The following KIAA1217 variants were observed in gnomAD, a reference collection of about 807,000 sequenced individuals.
KIAA1217 encodes sickle tail protein homolog.
In KIAA1217, 88 loss-of-function variants were observed where a neutral mutation model predicts 163.9. That is an observed-to-expected ratio of 0.54 (90% CI 0.45 to 0.64). The LOEUF is 0.64. KIAA1217 is among the 30% of genes least tolerant of loss of function. KIAA1217 has a pLI of 0.00. For synonymous variants in KIAA1217, 903 were observed against 923.1 expected, an observed-to-expected ratio of 0.98 and a Z score of 0.39; for missense variants, 2,372 against 2,475.0, an observed-to-expected ratio of 0.96 and a Z score of 0.88.
chr10:23,820,399 A>G (rs1017364010), intron 1 of KIAA1217, among the ~76,000 whole-genome samples: 2 of 152,218 alleles, frequency 1.3e-5, no homozygotes, highest in African/African-American at 4.8e-5. Flanking sequence ...ACTTGCTATG[A>G]TAACAGTCAT....
intron 2 of KIAA1217, among the ~76,000 whole-genome samples, chr10:24,227,660 G>A (rs1248551163): frequency 6.6e-6 from 1 of 151,982 alleles, no homozygotes; most frequent in Non-Finnish European, 1.5e-5. Context: ...AGCCTCCCAA[G>A]TAGCTGGGAC....
At chr10:23,823,145 G>A (rs956223056) in intron 1 of KIAA1217, among the ~76,000 whole-genome samples, 3 of 152,210 alleles carry the variant, frequency 2.0e-5, no homozygotes, top group African/African-American at 7.2e-5. Context: ...AGTCTCACAA[G>A]GCCCAAGCCA....
rs1049112572 is a variant in KIAA1217, at chr10:24,524,837, A to G, written c.2898+73A>G. 2.3e-6 allele frequency: 3 copies of G among 1,280,250 alleles called. No homozygotes were observed. In the African/African-American group the frequency reaches 4.5e-5, roughly 19 times the overall value. 79.3% of individuals were successfully genotyped at this position (1,280,250 alleles called of 1,614,324 possible). ...CATGGACCTTTCCCTTAAAGCATTT[A>G]TAGGTCAGATGATGACATGATTGTG... is the stretch of plus-strand genomic sequence containing the variant. On this transcript the variant is annotated intron_variant, in intron 13 of 20. Transcript: ENST00000376454.
intron 9 of KIAA1217, among the ~76,000 whole-genome samples, chr10:24,509,152 C>T (rs1045845001): frequency 2.0e-5 from 3 of 152,182 alleles, no homozygotes; most frequent in Admixed American, 2.0e-4. Context: ...TTACTTGAAG[C>T]ATTTAGAGAA....
Position 24,381,066 on chromosome 10 carries a change from G to C in KIAA1217, c.552G>C (p.Leu184=). 1 of 1,548,930 alleles carries C rather than the reference G, an allele frequency of 6.5e-7. No individual in the cohort carries two copies. The highest frequency in any genetic ancestry group is 8.7e-7 in the Non-Finnish European group (1 of 1,145,684). Residue 184 remains leucine (L), a splice_region_variant and synonymous_variant, in exon 3 of 21, where the codon CTG becomes CTC. Coordinates refer to ENST00000376454, the MANE Select transcript of KIAA1217 (RefSeq NM_019590.5). ...CCAACCAGACGAAAGAAAGATCTCT[G>C]GGTAAGCTTTAGAAGGCAGTTTCTG... ...RSTNQTKERS[L]GVLYLQYGDE...
intron 1 of KIAA1217, among the ~76,000 whole-genome samples, chr10:23,795,657 G>A (rs575900144): frequency 6.6e-6 from 1 of 152,242 alleles, no homozygotes; most frequent in African/African-American, 2.4e-5. Context: ...CTAAAAACTT[G>A]GGGTCAGCAG....
intron 1 of KIAA1217, among the ~76,000 whole-genome samples, chr10:23,837,785 C>A (rs1470670343): frequency 6.6e-6 from 1 of 152,142 alleles, no homozygotes; most frequent in Non-Finnish European, 1.5e-5. Flanking sequence ...AATTGATCCA[C>A]CCACCTCTGT....
rs139161208 is a variant in KIAA1217 at position 23,787,778 on chromosome 10, G to A, written c.-321+92544G>A. Among the ~76,000 whole-genome samples the A allele has an allele frequency of 4.7e-3, 719 of 152,196 alleles. 2 individuals carry two copies. Among genetic ancestry groups the A allele is most frequent in the African/African-American group, 0.017 (695 of 41,506 alleles). ...AAACCAATTGGTGAAACAAATAATCGTAAAAATGTTAACCCACTGCAATTC... is the reference window on the plus strand; with the variant it reads ...AAACCAATTGGTGAAACAAATAATCATAAAAATGTTAACCCACTGCAATTC... On this transcript the variant is annotated intron_variant, in intron 1 of 18. Transcript: ENST00000376462.
At chr10:24,494,195 AG>A (rs1378405800) in intron 6 of KIAA1217, among the ~76,000 whole-genome samples, 1 of 152,236 alleles carries the variant, frequency 6.6e-6, no homozygotes, top group Non-Finnish European at 1.5e-5. Flanking sequence ...AAAGAAAGAA[AG>A]CAGGGCAGAA....
At chr10:24,286,965 A>T (rs2078601474) in intron 2 of KIAA1217, among the ~76,000 whole-genome samples, 1 of 152,206 alleles carries the variant, frequency 6.6e-6, no homozygotes. Flanking sequence ...AAATAATACA[A>T]AATTCCTCAG....
intron 4 of KIAA1217, among the ~76,000 whole-genome samples, chr10:24,436,477 G>T (rs1487599746): frequency 7.9e-6 from 1 of 126,070 alleles, no homozygotes; most frequent in Admixed American, 7.7e-5. Flanking sequence ...AAAAAAAAAA[G>T]GCTGGGCGCT....
chr10:23,952,361 T>A (rs1264703876), intron 1 of KIAA1217, among the ~76,000 whole-genome samples: 3 of 152,202 alleles, frequency 2.0e-5, no homozygotes, highest in Admixed American at 6.5e-5. Flanking sequence ...TCCCTTCACC[T>A]TTGTGTGTTC....
At chr10:23,862,410 G>C (rs781028223) in intron 1 of KIAA1217, among the ~76,000 whole-genome samples, 7 of 152,120 alleles carry the variant, frequency 4.6e-5, no homozygotes, top group Non-Finnish European at 8.8e-5. Context: ...TGTCCATACA[G>C]AGATACTTGA....
intron 1 of KIAA1217, among the ~76,000 whole-genome samples, chr10:23,882,352 A>G (rs1433441058): frequency 6.6e-6 from 1 of 151,900 alleles, no homozygotes; most frequent in Admixed American, 6.6e-5. Context: ...AAAACAAGAC[A>G]TATCACTACC....
At chr10:24,109,418 T>G (rs2062758849) in intron 2 of KIAA1217, among the ~76,000 whole-genome samples, 1 of 152,060 alleles carries the variant, frequency 6.6e-6, no homozygotes, top group Non-Finnish European at 1.5e-5. Flanking sequence ...GCAAGATAGA[T>G]TACTGAGCAA....
At chr10:24,067,584 G>A (rs1294879183) in intron 2 of KIAA1217, among the ~76,000 whole-genome samples, 1 of 152,350 alleles carries the variant, frequency 6.6e-6, no homozygotes. Context: ...AGGCTACTCG[G>A]GGGTCAGGGA....
chr10:24,159,761 C>T (rs773140415), intron 2 of KIAA1217, among the ~76,000 whole-genome samples: 16 of 151,448 alleles, frequency 1.1e-4, no homozygotes, highest in Non-Finnish European at 1.5e-4. Flanking sequence ...CCAGCCTGGG[C>T]GACAGAGCTA....
chr10:24,524,963 T>C (rs1390072601), intron 13 of KIAA1217, among the ~76,000 whole-genome samples, 199 bp downstream of exon 13: 1 of 131,176 alleles, frequency 7.6e-6, no homozygotes, highest in Non-Finnish European at 1.6e-5. Context: ...ACCTGGCCTG[T>C]AGGAAGGTGA....
intron 5 of KIAA1217, chr10:24,466,861 C>G: frequency 1.1e-6 from 1 of 879,290 alleles, no homozygotes; most frequent in Non-Finnish European, 1.4e-6. Flanking sequence ...CTGCTTACTT[C>G]ATTGTGTGGT....
Sources: gnomAD v4.1 joint callset for allele counts (sites outside exome capture counted in the v4.1 genomes callset) on GRCh38, gnomAD v4.1.1 for gene constraint, MANE v1.5 for transcripts, NCBI Gene and HGNC (gene_info 2026-07-23, HGNC 2026-07-21) for gene names.